The following SYNE2 variants were observed in gnomAD, a reference collection of about 807,000 sequenced individuals.
The protein encoded by SYNE2 is spectrin repeat containing nuclear envelope protein 2, also known as nesprin-2.
A neutral mutation model predicts 856.3 loss-of-function variants in SYNE2; 431 were observed. The ratio of observed to expected loss-of-function variants is 0.50; its 90% CI spans 0.47 to 0.55. The LOEUF (loss-of-function observed/expected upper bound fraction) is 0.55, where lower values mean the gene tolerates loss of function less well. SYNE2 is among the 20% of genes least tolerant of loss of function. The probability of loss-of-function intolerance (pLI) is 0.00; values close to 1 mark genes in which losing one functional copy is unlikely to be tolerated. For synonymous variants in SYNE2, 2,923 were observed against 2,872.3 expected (o/e 1.02, Z -0.56); for missense variants, 8,129 against 8,023.2 (o/e 1.01, Z -0.50).
chr14:63,816,512 C>T (rs1231770296), intron 1 of SYNE2, among the ~76,000 whole-genome samples: 1 of 152,072 alleles, frequency 6.6e-6, no homozygotes, highest in South Asian at 2.1e-4. Flanking sequence ...AGAAAGGTCA[C>T]TCTCACCCTC....
chr14:63,884,274 T>G (rs922495578), intron 1 of SYNE2, among the ~76,000 whole-genome samples: 1 of 152,056 alleles, frequency 6.6e-6, no homozygotes, highest in African/African-American at 2.4e-5. Context: ...ATGACCTGAG[T>G]GCTGTAGGAA....
chr14:63,976,090 A>C (rs373998604), intron 11 of SYNE2, among the ~76,000 whole-genome samples: 1 of 152,178 alleles, frequency 6.6e-6, no homozygotes, highest in African/African-American at 2.4e-5. Context: ...TGCTTTCGTG[A>C]AGGACAGATA....
rs751473314 is a variant in SYNE2, at chr14:64,073,955, C to T, written c.10698-13C>T. On this transcript the variant is annotated splice_polypyrimidine_tract_variant and intron_variant, in intron 52 of 115. Coordinates refer to ENST00000555002, the MANE Select transcript of SYNE2 (RefSeq NM_182914.3). ...GGATAAAGAAACAATTATATTTTGA[C>T]GTTCTCTTTTAGGCTTCTTCAGAAA... 65 of 1,612,484 alleles carry T rather than the reference C, an allele frequency of 4.0e-5. No individual in the cohort carries two copies. Among genetic ancestry groups the T allele is most frequent in the South Asian group, 9.9e-5 (9 of 90,956 alleles).
chr14:64,090,785 G>A, intron 59 of SYNE2, 81 bp from the exon 60 acceptor site: 2 of 1,265,190 alleles, frequency 1.6e-6, no homozygotes, highest in South Asian at 1.3e-5. Flanking sequence ...AAACTATACT[G>A]TATTTTAATT....
chr14:64,046,099 C>T (rs904152261), intron 45 of SYNE2, among the ~76,000 whole-genome samples: 20 of 152,216 alleles, frequency 1.3e-4, no homozygotes, highest in African/African-American at 4.6e-4. Context: ...AAAATAAAAA[C>T]GAGTGCCTTA....
intron 1 of SYNE2, among the ~76,000 whole-genome samples, chr14:63,791,095 T>C (rs994173282): frequency 1.3e-5 from 2 of 152,088 alleles, no homozygotes; most frequent in African/African-American, 4.8e-5. Context: ...GTAAGTGGGA[T>C]TACAAATGCC....
intron 97 of SYNE2, 129 bp from the exon 98 acceptor site, chr14:64,188,421 C>T: frequency 9.6e-7 from 1 of 1,038,070 alleles, no homozygotes; most frequent in South Asian, 1.3e-5. Flanking sequence ...TTAGAAGAGG[C>T]AAAACCAGAC....
chr14:63,772,469 C>T (rs574607775), intron 1 of SYNE2, among the ~76,000 whole-genome samples: 5 of 151,798 alleles, frequency 3.3e-5, no homozygotes, highest in East Asian at 2.0e-4. Flanking sequence ...ATAGGTCAGG[C>T]GCGGTGACTC....
intron 12 of SYNE2, among the ~76,000 whole-genome samples, chr14:63,977,220 AT>A (rs1257358701): frequency 1.3e-5 from 2 of 150,200 alleles, no homozygotes; most frequent in Non-Finnish European, 1.5e-5. Flanking sequence ...TATGATGAAA[AT>A]TTTTTTTTTG....
chr14:63,978,442 TTCTTA>T (rs1257628909), intron 13 of SYNE2, among the ~76,000 whole-genome samples: 2 of 152,230 alleles, frequency 1.3e-5, no homozygotes, highest in Non-Finnish European at 2.9e-5. Context: ...TCATTATCTT[TTCTTA>T]TTACTCAAAA....
intron 107 of SYNE2, chr14:64,216,003 C>T (rs2098664673): frequency 7.7e-6 from 11 of 1,429,536 alleles, no homozygotes; most frequent in East Asian, 2.7e-5. Flanking sequence ...GGCTCCAAAA[C>T]GCCACTCATC....
chr14:64,168,930 C>T lies in SYNE2; in HGVS notation c.16959C>T (p.Thr5653=), dbSNP rs774025887. 1.2e-5 allele frequency: 19 copies of T among 1,613,910 alleles called. No homozygotes were observed. The highest frequency in any genetic ancestry group is 4.5e-5 in the East Asian group (2 of 44,892). The change falls in exon 93 of 116, where the codon ACC becomes ACT. Residue 5653 remains threonine (T), a synonymous_variant. Transcript: ENST00000555002. ...AGACAATTGCTGATTCCTATGTCACCCAGTCCTTACAACTCCTGGACACAA... is the reference window on the plus strand; with the variant it reads ...AGACAATTGCTGATTCCTATGTCACTCAGTCCTTACAACTCCTGGACACAA... ...INQTIADSYV[T]QSLQLLDTTE... is the part of the protein sequence containing the mutation.
chr14:64,216,236 C>G lies in SYNE2; in HGVS notation c.19403-12C>G. Reference sequence around the variant, plus strand: ...GAGAGAATAGACTGTCGCTTGCTGTCTTTCGTTTCAGGTAAATCCATTTCG... The same window carrying G: ...GAGAGAATAGACTGTCGCTTGCTGTGTTTCGTTTCAGGTAAATCCATTTCG... On this transcript the variant is annotated splice_polypyrimidine_tract_variant and intron_variant, in intron 107 of 115. Coordinates refer to ENST00000555002, the MANE Select transcript of SYNE2 (RefSeq NM_182914.3). 6.2e-7 allele frequency: 1 copy of G among 1,614,110 alleles called. No individual in the cohort carries two copies. The highest frequency in any genetic ancestry group is 8.5e-7 in the Non-Finnish European group (1 of 1,180,040).
chr14:64,113,256 G>A (rs775093844), intron 65 of SYNE2, 85 bp from the exon 66 acceptor site: 2 of 1,606,796 alleles, frequency 1.2e-6, no homozygotes, highest in Admixed American at 1.7e-5. Context: ...TCTTTTAACT[G>A]GGGAAATGTT....
intron 45 of SYNE2, among the ~76,000 whole-genome samples, chr14:64,039,201 G>C (rs2097128177): frequency 6.6e-6 from 1 of 152,214 alleles, no homozygotes; most frequent in Non-Finnish European, 1.5e-5. Flanking sequence ...ACATCCTTTA[G>C]AGCTGGTATG....
At chr14:64,037,181 G>A (rs1179856415) in intron 45 of SYNE2, among the ~76,000 whole-genome samples, 1 of 151,682 alleles carries the variant, frequency 6.6e-6, no homozygotes, top group Non-Finnish European at 1.5e-5. Flanking sequence ...TCTCGCAGAG[G>A]GGGATTTGGC....
intron 45 of SYNE2, among the ~76,000 whole-genome samples, chr14:64,043,833 TGGGA>T (rs2097166822): frequency 6.6e-6 from 1 of 152,232 alleles, no homozygotes; most frequent in Non-Finnish European, 1.5e-5. Context: ...AAGGGAAATG[TGGGA>T]TCAGAGCCCC....
intron 27 of SYNE2, among the ~76,000 whole-genome samples, chr14:63,999,900 C>T (rs1286119053): frequency 6.6e-6 from 1 of 152,150 alleles, no homozygotes; most frequent in Non-Finnish European, 1.5e-5. Context: ...CCCTGTTGCT[C>T]AAGTGATGGA....
chr14:64,225,858 AG>A lies in SYNE2; in HGVS notation c.*334del. On this transcript the variant is annotated 3_prime_UTR_variant, in exon 116 of 116. Transcript: ENST00000555002. ...TTGTAAAACAGCATTATTATAATGT[AG>A]GTATGGTCAATGAGCAGTGGTGTCC... 1.8e-6 allele frequency: 1 copy of A among 570,892 alleles called. No homozygotes were observed. Among genetic ancestry groups the A allele is most frequent in the Non-Finnish European group, 3.1e-6 (1 of 319,636 alleles). 35.4% of individuals were successfully genotyped at this position (570,892 alleles called of 1,614,324 possible).
Sources: allele counts gnomAD v4.1 joint callset (sites outside exome capture counted in the v4.1 genomes callset), GRCh38; gene constraint gnomAD v4.1.1; transcripts MANE v1.5; gene names NCBI Gene and HGNC (gene_info 2026-07-23, HGNC 2026-07-21).